Variants in SERPINA10 observed in about 807,000 individuals in gnomAD.
SERPINA10 encodes the protein protein Z-dependent protease inhibitor.
Under a neutral mutation model 28.0 loss-of-function variants are expected in SERPINA10, and 24 were observed. The ratio of observed to expected loss-of-function variants is 0.86; its 90% CI spans 0.62 to 1.20. The LOEUF (loss-of-function observed/expected upper bound fraction) is 1.20, where lower values mean the gene tolerates loss of function less well. Ranked by LOEUF, SERPINA10 falls within the 50% of genes most tolerant of loss-of-function variation. SERPINA10 has a pLI of 0.00. For missense variants in SERPINA10, 521 were observed against 537.7 expected (o/e 0.97, Z 0.31); for synonymous variants, 207 against 203.9 (o/e 1.02, Z -0.13).
At position 94,290,648 on chromosome 14, in the gene SERPINA10, G is replaced by A; in HGVS notation, c.-50-5C>T. On this transcript the variant is annotated splice_polypyrimidine_tract_variant and splice_region_variant and intron_variant, in intron 1 of 4. Coordinates refer to ENST00000261994, the MANE Select transcript of SERPINA10 (RefSeq NM_001100607.3). ...TCCCTTCAGCTGCAAGACTTCCTGTGGAGAGGAGAGGATAGAGATGGTTTT... is the reference window on the plus strand; with the variant it reads ...TCCCTTCAGCTGCAAGACTTCCTGTAGAGAGGAGAGGATAGAGATGGTTTT... 1 of 1,602,112 alleles carries A rather than the reference G, an allele frequency of 6.2e-7. No homozygotes were observed. The highest frequency in any genetic ancestry group is 1.3e-5 in the African/African-American group (1 of 74,992).
In SERPINA10 at chr14:94,286,197, G is replaced by A. The variant is rs1466482889; in HGVS notation, c.1054C>T (p.Leu352Phe). 6.2e-7 allele frequency: 1 copy of A among 1,614,118 alleles called. No individual in the cohort carries two copies. ...ATTCTTCTGATTCCCATCTGCCTAA[G>A]CAGCTCATGCATCTCATACTTCTGA... ...LDQKYEMHEL[L>F]RQMGIRRIFS... Residue 352 changes from leucine to phenylalanine, a missense_variant, in exon 4 of 5, where the codon CTT becomes TTT. Transcript: ENST00000261994.
chr14:94,292,021 C>T (rs1341699989), intron 1 of SERPINA10, among the ~76,000 whole-genome samples: 1 of 152,266 alleles, frequency 6.6e-6, no homozygotes, highest in Non-Finnish European at 1.5e-5. Context: ...GGCAAGCCTG[C>T]ATTCAACAGG....
rs1415922869 is a variant in SERPINA10, at chr14:94,280,616, A to G, written c.*3349T>C. Reference sequence around the variant, plus strand: ...TTTTGTGAAAGTTCTCAGTTTAACAACTTATCAAATTAATCCTTTAAGCTA... The same window carrying G: ...TTTTGTGAAAGTTCTCAGTTTAACAGCTTATCAAATTAATCCTTTAAGCTA... On this transcript the variant is annotated 3_prime_UTR_variant, in exon 5 of 5. Transcript: ENST00000261994. 1 of 152,212 alleles carries G rather than the reference A, an allele frequency of 6.6e-6. No individual in the cohort carries two copies. Among genetic ancestry groups the G allele is most frequent in the Non-Finnish European group, 1.5e-5 (1 of 68,034 alleles). The allele number at this position is 152,212 out of a possible 1,614,324, so 9.4% of individuals were successfully genotyped here. A position where few individuals can be genotyped will look rare whatever the true frequency, so the allele number is the denominator to read the frequency against.
intron 4 of SERPINA10, among the ~76,000 whole-genome samples, chr14:94,284,555 C>G (rs1245244713): frequency 1.3e-5 from 2 of 152,270 alleles, no homozygotes; most frequent in South Asian, 4.1e-4. Flanking sequence ...CTCTGACTTT[C>G]CTTTTGGCAG....
intron 1 of SERPINA10, among the ~76,000 whole-genome samples, chr14:94,291,170 T>A (rs887356371): frequency 1.4e-4 from 21 of 152,206 alleles, no homozygotes; most frequent in African/African-American, 4.8e-4. Context: ...CTGGATTTTT[T>A]ATCAAAATTC....
rs1281319741 is a variant in SERPINA10 at position 94,290,237 on chromosome 14, C to T, written c.357G>A (p.Pro119=). The change falls in exon 2 of 5, where the codon CCG becomes CCA. Residue 119 remains proline (P), a synonymous_variant. Transcript: ENST00000261994. ...MTGLMLGATG[P]TETQIKRGLH... is the part of the protein sequence containing the mutation. ...GCCCTCTCTTGATCTGGGTTTCAGT[C>T]GGCCCTGTGGCCCCCAGCATCAAGC... 8 of 1,613,130 alleles carry T rather than the reference C, an allele frequency of 5.0e-6. No individual in the cohort carries two copies. The highest frequency in any genetic ancestry group is 1.7e-5 in the Admixed American group (1 of 59,962).
intron 3 of SERPINA10, 115 bp downstream of exon 3, chr14:94,288,170 GA>G (rs1274450007): frequency 1.4e-6 from 2 of 1,419,734 alleles, no homozygotes; most frequent in African/African-American, 2.8e-5. Flanking sequence ...CTGCCTTCAG[GA>G]AACTTATAGC....
intron 4 of SERPINA10, among the ~76,000 whole-genome samples, chr14:94,284,855 T>C (rs1196689112): frequency 6.6e-6 from 1 of 152,230 alleles, no homozygotes; most frequent in African/African-American, 2.4e-5. Flanking sequence ...AGAGGAAAAT[T>C]AATTCCCCAG....
chr14:94,285,440 ACTCTCTCT>A (rs56382462), intron 4 of SERPINA10, among the ~76,000 whole-genome samples: 2 of 143,720 alleles, frequency 1.4e-5, no homozygotes, highest in Non-Finnish European at 3.1e-5. Context: ...AAGTTACAGG[ACTCTCTCT>A]CTCTCTCTCT....
chr14:94,286,413 A>C (rs1214688865), intron 3 of SERPINA10, among the ~76,000 whole-genome samples, 155 bp from the exon 4 acceptor site: 2 of 152,240 alleles, frequency 1.3e-5, no homozygotes, highest in African/African-American at 4.8e-5. Context: ...TGGTCTACTC[A>C]GGGAAAATAT....
Position 94,283,857 on chromosome 14 carries a change from G to T in SERPINA10, c.*108C>A, listed in dbSNP as rs1894954630. On this transcript the variant is annotated 3_prime_UTR_variant, in exon 5 of 5. Transcript: ENST00000261994. ...TTTGAGAACACCCTAAACTAGTTAA[G>T]AACAAAAGGAACACTCTCCCCTGCC... is the stretch of plus-strand genomic sequence containing the variant. The T allele has an allele frequency of 1.1e-5, 12 of 1,124,062 alleles. No homozygotes were observed. Among genetic ancestry groups the T allele is most frequent in the Non-Finnish European group, 4.0e-6 (3 of 742,380 alleles). 69.6% of individuals were successfully genotyped at this position (1,124,062 alleles called of 1,614,324 possible). A position where few individuals can be genotyped will look rare whatever the true frequency, so the allele number is the denominator to read the frequency against.
At chr14:94,290,799 A>C (rs1352829963) in intron 1 of SERPINA10, among the ~76,000 whole-genome samples, 156 bp from the exon 2 acceptor site, 1 of 152,150 alleles carries the variant, frequency 6.6e-6, no homozygotes, top group Admixed American at 6.5e-5. Flanking sequence ...ACATTTGCTC[A>C]CCCAAAGAGG....
At chr14:94,293,010 C>T (rs1034628463) in intron 1 of SERPINA10, 179 bp downstream of exon 1, 1 of 313,502 alleles carries the variant, frequency 3.2e-6, no homozygotes, top group Non-Finnish European at 6.3e-6. Context: ...TAATTCGCCT[C>T]TTACCCCACT....
rs940944545 is a variant in SERPINA10 at position 94,281,063 on chromosome 14, C to T, written c.*2902G>A. On this transcript the variant is annotated 3_prime_UTR_variant, in exon 5 of 5. Transcript: ENST00000261994. ...GAAGATAGAATGAATTAGATTAAGTCAGTAACCTGTTCTCAGTTGTTACAG... is the reference window on the plus strand; with the variant it reads ...GAAGATAGAATGAATTAGATTAAGTTAGTAACCTGTTCTCAGTTGTTACAG... The T allele has an allele frequency of 2.0e-5, 3 of 152,146 alleles. No homozygotes were observed. Among genetic ancestry groups the T allele is most frequent in the Non-Finnish European group, 4.4e-5 (3 of 68,014 alleles). 9.4% of individuals were successfully genotyped at this position (152,146 alleles called of 1,614,324 possible). A position where few individuals can be genotyped will look rare whatever the true frequency, so the allele number is the denominator to read the frequency against.
rs1895212007 is a variant in SERPINA10, at chr14:94,292,827, C to G, written c.-51+362G>C. On this transcript the variant is annotated intron_variant, in intron 1 of 4. Coordinates refer to ENST00000261994, the MANE Select transcript of SERPINA10 (RefSeq NM_001100607.3). ...AGACAGAACCTGGGCAGTAAGGAAT[C>G]ACCAGCTCACCTGCCACTTCTCAGC... The G allele has an allele frequency of 4.3e-5, 26 of 610,540 alleles. No individual in the cohort carries two copies. In the South Asian group the frequency reaches 4.7e-4, roughly 11 times the overall value. 37.8% of individuals were successfully genotyped at this position (610,540 alleles called of 1,614,324 possible). A position where few individuals can be genotyped will look rare whatever the true frequency, so the allele number is the denominator to read the frequency against.
At chr14:94,292,537 C>G (rs1172248236) in intron 1 of SERPINA10, 1 of 699,148 alleles carries the variant, frequency 1.4e-6, no homozygotes, top group South Asian at 1.5e-5. Flanking sequence ...GGTTACTTCT[C>G]CCTGTACAAT....
At chr14:94,292,822 G>A (rs1895211805) in intron 1 of SERPINA10, 1 of 614,532 alleles carries the variant, frequency 1.6e-6, no homozygotes, top group Non-Finnish European at 3.0e-6. Context: ...TGGGCAGTAA[G>A]GAATCACCAG....
intron 2 of SERPINA10, among the ~76,000 whole-genome samples, chr14:94,289,213 C>T (rs1895100105): frequency 6.6e-6 from 1 of 152,212 alleles, no homozygotes; most frequent in African/African-American, 2.4e-5. Flanking sequence ...ACGTCCAGTG[C>T]CCCATTAGGG....
In SERPINA10 at chr14:94,290,634, G is replaced by A. The variant is rs1286767663; in HGVS notation, c.-41C>T. 2 of 1,608,562 alleles carry A rather than the reference G, an allele frequency of 1.2e-6. No individual in the cohort carries two copies. The highest frequency in any genetic ancestry group is 1.7e-6 in the Non-Finnish European group (2 of 1,178,594). On this transcript the variant is annotated 5_prime_UTR_variant, in exon 2 of 5. It introduces an in-frame stop codon into an upstream open reading frame of the 5' UTR. Transcript: ENST00000261994. ...GGCCAAGGAGTGCCTCCCTTCAGCT[G>A]CAAGACTTCCTGTGGAGAGGAGAGG...
Sources: allele counts gnomAD v4.1 joint callset (sites outside exome capture counted in the v4.1 genomes callset), GRCh38; gene constraint gnomAD v4.1.1; transcripts MANE v1.5; gene names NCBI Gene and HGNC (gene_info 2026-07-23, HGNC 2026-07-21).